SPATA6L: variants seen among roughly 807,000 people sequenced by gnomAD.
SPATA6L encodes spermatogenesis associated 6 like, also known as spermatogenesis associated 6-like protein.
A neutral mutation model predicts 49.2 loss-of-function variants in SPATA6L; 68 were observed. The observed-to-expected ratio is 1.38, with a 90% CI of 1.14 to 1.69. The LOEUF is 1.69. Among genes scored for constraint, SPATA6L ranks in the 40% most tolerant of loss-of-function variants. The pLI, the probability that SPATA6L is intolerant of heterozygous loss-of-function variation, is 0.00. For missense variants in SPATA6L, 668 were observed against 464.3 expected, an observed-to-expected ratio of 1.44 and a Z score of -4.03; for synonymous variants, 198 against 165.7, an observed-to-expected ratio of 1.19 and a Z score of -1.50.
chr9:4,601,783 C>T (rs995616441), intron 11 of SPATA6L, among the ~76,000 whole-genome samples: 35 of 152,174 alleles, frequency 2.3e-4, no homozygotes, highest in African/African-American at 8.4e-4. Context: ...GGGGATGCCT[C>T]CTGCCTGGGG....
At chr9:4,659,045 C>G (rs932667080) in intron 2 of SPATA6L, among the ~76,000 whole-genome samples, 1 of 151,860 alleles carries the variant, frequency 6.6e-6, no homozygotes, top group Non-Finnish European at 1.5e-5. Context: ...TGCACTTTTA[C>G]CACCAACTTT....
At position 4,600,205 on chromosome 9, in the gene SPATA6L, G is replaced by A. The variant is rs946615093; in HGVS notation, c.*606C>T. Among the ~76,000 whole-genome samples, 2 of 152,166 alleles carry A rather than the reference G, an allele frequency of 1.3e-5. No homozygotes were observed. Among genetic ancestry groups the A allele is most frequent in the Non-Finnish European group, 2.9e-5 (2 of 68,038 alleles). On this transcript the variant is annotated 3_prime_UTR_variant, in exon 12 of 12. Transcript: ENST00000682582. Reference sequence around the variant, plus strand: ...GAGCAGTTTAAACTACGCTCCAGAGGAGCCAGCCTCCTCTTACAAATTTAT... The same window carrying A: ...GAGCAGTTTAAACTACGCTCCAGAGAAGCCAGCCTCCTCTTACAAATTTAT...
rs1829553120 is a variant in SPATA6L, at chr9:4,622,489, C to T, written c.691G>A (p.Gly231Ser). ...VRHVDSAKPF[G>S]ENISEHHLRR... ...AAATGATGCTCTGAAATATTCTCAC[C>T]AAAGGGCTTTGCACTGTCCACCTGA... The change falls in exon 7 of 12, where the codon GGT becomes AGT. Residue 231 changes from glycine to serine, a missense_variant. Physicochemically the swap from Gly to Ser is moderately conservative, Grantham distance 56. Transcript: ENST00000682582. 1 of 1,613,040 alleles carries T rather than the reference C, an allele frequency of 6.2e-7. No individual in the cohort carries two copies. The highest frequency in any genetic ancestry group is 2.2e-5 in the East Asian group (1 of 44,886).
chr9:4,592,870 T>C (rs1262334033), intron 13 of SPATA6L, among the ~76,000 whole-genome samples: 2 of 152,208 alleles, frequency 1.3e-5, no homozygotes, highest in Non-Finnish European at 2.9e-5. Flanking sequence ...GTTTCACAAC[T>C]CACCAAGTTG....
chr9:4,659,637 C>G (rs1353467051), intron 2 of SPATA6L, among the ~76,000 whole-genome samples: 1 of 152,180 alleles, frequency 6.6e-6, no homozygotes, highest in Non-Finnish European at 1.5e-5. Context: ...CCATCCCCAT[C>G]AAGCTACCAA....
rs556721441 is a variant in SPATA6L, at chr9:4,666,478, G to A, written c.-228C>T. 127 of 568,512 alleles carry A rather than the reference G, an allele frequency of 2.2e-4. No homozygotes were observed. The East Asian group carries it at 2.9e-3, about 13-fold the overall frequency. The allele number at this position is 568,512 out of a possible 1,614,324, so 35.2% of individuals were successfully genotyped here. On this transcript the variant is annotated 5_prime_UTR_variant, in exon 1 of 12. In the 5' UTR this introduces an upstream ATG that the reference lacks. Transcript: ENST00000682582. ...GGCTTCCAGAAGGCGGAAGCGTGGC[G>A]TTGCCAGGGACACTCAAACGCGCAG... is the stretch of plus-strand genomic sequence containing the variant.
intron 5 of SPATA6L, chr9:4,627,540 C>A (rs1460577323): frequency 8.5e-6 from 3 of 353,922 alleles, no homozygotes; most frequent in Non-Finnish European, 1.6e-5. Flanking sequence ...TTTTACTCTA[C>A]CCTGTCCCAA....
intron 5 of SPATA6L, 35 bp downstream of exon 5, chr9:4,629,056 G>A (rs375855305): frequency 1.8e-5 from 26 of 1,438,956 alleles, no homozygotes; most frequent in Middle Eastern, 2.0e-4. Flanking sequence ...AAAAAAATCC[G>A]GTCATTTCTA....
chr9:4,652,806 A>T (rs374678565), intron 3 of SPATA6L, among the ~76,000 whole-genome samples: 1 of 148,768 alleles, frequency 6.7e-6, no homozygotes, highest in African/African-American at 2.5e-5. Context: ...GCACGATTGC[A>T]CTCCAGCCTA....
In SPATA6L at chr9:4,639,190, C is replaced by T. The variant is rs146970348; in HGVS notation, c.227-3791G>A. 1.5e-3 allele frequency among the ~76,000 whole-genome samples: 232 copies of T among 152,274 alleles called. 3 individuals are homozygous for T. Among genetic ancestry groups the T allele is most frequent in the Middle Eastern group, 6.8e-3 (2 of 294 alleles). On this transcript the variant is annotated intron_variant, in intron 3 of 11. Transcript: ENST00000682582. ...TTGCTCCCTGACACCAGCCCAGCAG[C>T]GGCCCCAGAACTGCTTTGGTTTCTG...
At position 4,662,470 on chromosome 9, in the gene SPATA6L, G is replaced by C. The variant is rs908034218; in HGVS notation, c.40-434C>G. ...CCCGGCAGCCCAGCCCATGGCGGCG[G>C]TGGCGGCGGCAGCAGGTTTGAGTTC... On this transcript the variant is annotated intron_variant, in intron 1 of 11. Coordinates refer to ENST00000682582, the MANE Select transcript of SPATA6L (RefSeq NM_001353486.2). The surrounding 1 kb of genome is among the most constrained non-coding windows in gnomAD (Gnocchi z 4.9). The C allele has an allele frequency of 2.6e-6, 4 of 1,549,390 alleles. 1 individual carries two copies. Among genetic ancestry groups the C allele is most frequent in the South Asian group, 2.3e-5 (2 of 85,272 alleles).
intron 1 of SPATA6L, chr9:4,664,898 C>G (rs1440425137): frequency 6.0e-6 from 1 of 167,124 alleles, no homozygotes; most frequent in Non-Finnish European, 1.5e-5. Context: ...CTTGCTAAAG[C>G]AGCTAAACTG....
At chr9:4,600,991 T>C (rs112376218) in intron 11 of SPATA6L, among the ~76,000 whole-genome samples, 182 bp from the exon 12 acceptor site, 2,146 of 152,344 alleles carry the variant, frequency 0.014, 44 homozygotes, top group African/African-American at 0.049. Flanking sequence ...CCAGTGAGCA[T>C]CTGTGTGACC....
chr9:4,643,475 C>T (rs1327205232), intron 3 of SPATA6L, among the ~76,000 whole-genome samples: 1 of 151,552 alleles, frequency 6.6e-6, no homozygotes, highest in Non-Finnish European at 1.5e-5. Flanking sequence ...GTAAATATAC[C>T]AAGAGAGAAA....
chr9:4,644,683 T>TCACACACACA (rs1219248281), intron 3 of SPATA6L, among the ~76,000 whole-genome samples: 6 of 136,332 alleles, frequency 4.4e-5, no homozygotes, highest in African/African-American at 1.8e-4. Flanking sequence ...TCTCTCTCTC[T>TCACACACACA]CTCACACACA....
In SPATA6L at chr9:4,600,277, A is replaced by T. The variant is rs1297299469; in HGVS notation, c.*534T>A. On this transcript the variant is annotated 3_prime_UTR_variant, in exon 12 of 12. Coordinates refer to ENST00000682582, the MANE Select transcript of SPATA6L (RefSeq NM_001353486.2). ...ACAAGATCTGAACTACCCAGACGTA[A>T]TGCTCTCTTTTCCAAGGTTTTTAGT... is the stretch of plus-strand genomic sequence containing the variant. Among the ~76,000 whole-genome samples the T allele has an allele frequency of 1.3e-5, 2 of 152,156 alleles. No homozygotes were observed. Among genetic ancestry groups the T allele is most frequent in the East Asian group, 3.9e-4 (2 of 5,192 alleles).
intron 7 of SPATA6L, among the ~76,000 whole-genome samples, chr9:4,619,256 C>T (rs113543819): frequency 0.053 from 7,861 of 148,930 alleles, 666 homozygotes; most frequent in African/African-American, 0.18. Flanking sequence ...CTCCCAGGTT[C>T]AAGAGATTCT....
At chr9:4,612,554 G>A (rs1827017913) in intron 9 of SPATA6L, among the ~76,000 whole-genome samples, 1 of 152,162 alleles carries the variant, frequency 6.6e-6, no homozygotes, top group African/African-American at 2.4e-5. Context: ...TGTAGAGGAG[G>A]TCAGCTGCTC....
chr9:4,658,376 T>C (rs567999659), intron 2 of SPATA6L, among the ~76,000 whole-genome samples: 27 of 152,224 alleles, frequency 1.8e-4, no homozygotes, highest in Middle Eastern at 6.8e-3. Context: ...AAAAGAAAAT[T>C]TTTTCACTAC....
Sources: allele counts gnomAD v4.1 joint callset (sites outside exome capture counted in the v4.1 genomes callset), GRCh38; gene constraint gnomAD v4.1.1; non-coding constraint Gnocchi (gnomAD v3.1); transcripts MANE v1.5; gene names NCBI Gene and HGNC (gene_info 2026-07-23, HGNC 2026-07-21).